The following LANCL3 variants were observed in gnomAD, a reference collection of about 807,000 sequenced individuals.
The protein encoded by LANCL3 is lanC-like protein 3.
A neutral mutation model predicts 26.5 loss-of-function variants in LANCL3; 19 were observed. That is an observed-to-expected ratio of 0.72 (90% confidence interval 0.50 to 1.05). The LOEUF (loss-of-function observed/expected upper bound fraction) is 1.05. LANCL3 is among the 50% of genes least tolerant of loss of function. LANCL3 has a pLI of 0.00. For synonymous variants in LANCL3, 160 were observed against 166.6 expected (o/e 0.96, Z 0.30); for missense variants, 318 against 362.7 (o/e 0.88, Z 1.00).
intron 1 of LANCL3, among the ~76,000 whole-genome samples, chrX:37,653,526 T>C (rs1213317257): frequency 8.9e-6 from 1 of 112,315 alleles, no homozygotes; most frequent in Non-Finnish European, 1.9e-5. Context: ...TCAATCAGGA[T>C]AGAGTCCAAT....
intron 1 of LANCL3, among the ~76,000 whole-genome samples, chrX:37,573,535 T>A (rs1458308062): frequency 8.1e-5 from 9 of 111,660 alleles, no homozygotes; most frequent in Admixed American, 5.7e-4. Flanking sequence ...TACTAAAGAA[T>A]GTGCACTGTG....
chrX:37,578,665 A>G (rs782325106), intron 1 of LANCL3, among the ~76,000 whole-genome samples: 28 of 112,399 alleles, frequency 2.5e-4, no homozygotes, highest in African/African-American at 7.8e-4. Context: ...ATATAAAACA[A>G]AATGAGTCTT....
At chrX:37,572,497 TCC>T (rs1368592517) in intron 1 of LANCL3, 54 bp downstream of exon 1, 44 of 1,032,234 alleles carry the variant, frequency 4.3e-5, no homozygotes, top group African/African-American at 7.5e-5. Flanking sequence ...CGGCCTCCTT[TCC>T]CCGGACTCCG....
rs782712408 is a variant in LANCL3 at position 37,679,030 on chromosome X, A to G, written c.*3217A>G. 8.9e-6 allele frequency: 1 copy of G among 111,822 alleles called. No homozygotes were observed. Among genetic ancestry groups the G allele is most frequent in the African/African-American group, 3.2e-5 (1 of 30,831 alleles). 9.2% of individuals were successfully genotyped at this position (111,822 alleles called of 1,213,427 possible). A position where few individuals can be genotyped will look rare whatever the true frequency, so the allele number is the denominator to read the frequency against. On this transcript the variant is annotated 3_prime_UTR_variant, in exon 5 of 5. Coordinates refer to ENST00000378619, the MANE Select transcript of LANCL3 (RefSeq NM_001170331.2). ...TTAAAAGGAAAACCATTAGTGGTGC[A>G]AAGAGCCCTGTGCTGGAAATCTCAA...
chrX:37,651,541 T>C (rs1254949774), intron 1 of LANCL3, among the ~76,000 whole-genome samples: 1 of 111,580 alleles, frequency 9.0e-6, no homozygotes, highest in African/African-American at 3.3e-5. Context: ...ATTCTTTTTA[T>C]TTGTGTCCTT....
In LANCL3 at chrX:37,683,737, A is replaced by G. The variant is rs1248488590; in HGVS notation, c.*7924A>G. On this transcript the variant is annotated 3_prime_UTR_variant, in exon 5 of 5. Transcript: ENST00000378619. ...ATATTTTACTATATCACAAAATGTC[A>G]TACTACTGTATTTTATAATAAAACC... 9 of 112,005 alleles carry G rather than the reference A, an allele frequency of 8.0e-5. No homozygotes were observed. Among genetic ancestry groups the G allele is most frequent in the African/African-American group, 2.9e-4 (9 of 30,925 alleles). 9.2% of individuals were successfully genotyped at this position (112,005 alleles called of 1,213,427 possible).
intron 1 of LANCL3, among the ~76,000 whole-genome samples, chrX:37,590,859 G>A (rs1202127308): frequency 9.0e-6 from 1 of 111,587 alleles, no homozygotes; most frequent in Non-Finnish European, 1.9e-5. Flanking sequence ...TAAATTTCTG[G>A]AGATGGGCCT....
At position 37,572,397 on chromosome X, in the gene LANCL3, G is replaced by C; in HGVS notation, c.527G>C (p.Gly176Ala). The C allele has an allele frequency of 8.5e-7, 1 of 1,177,045 alleles. No homozygotes were observed. The highest frequency in any genetic ancestry group is 1.1e-6 in the Non-Finnish European group (1 of 877,984). Residue 176 changes from glycine to alanine, a missense_variant, in exon 1 of 5, where the codon GGT becomes GCT. Coordinates refer to ENST00000378619, the MANE Select transcript of LANCL3 (RefSeq NM_001170331.2). Reference protein sequence around the residue: ...GSDELFVGRAGYLCAALVLKQ... With the variant: ...GSDELFVGRAAYLCAALVLKQ... ...GACGAGCTGTTCGTGGGCCGCGCGG[G>C]TTACCTGTGTGCCGCGCTGGTGCTC...
chrX:37,632,739 C>A (rs1925564692), intron 1 of LANCL3, among the ~76,000 whole-genome samples: 1 of 110,988 alleles, frequency 9.0e-6, no homozygotes, highest in African/African-American at 3.3e-5. Flanking sequence ...ATATGAAATT[C>A]TGGGTTGAAA....
intron 2 of LANCL3, 57 bp from the exon 3 acceptor site, chrX:37,659,405 A>T: frequency 5.5e-6 from 5 of 915,503 alleles, no homozygotes; most frequent in Non-Finnish European, 7.8e-6. Flanking sequence ...CTTTTCACTA[A>T]ATCAAACTAG....
intron 1 of LANCL3, among the ~76,000 whole-genome samples, chrX:37,600,231 T>C (rs1924543105): frequency 8.9e-6 from 1 of 111,947 alleles, no homozygotes; most frequent in Non-Finnish European, 1.9e-5. Context: ...TTTTAATTGT[T>C]CTATTTTATT....
chrX:37,651,678 C>T (rs926616066), intron 1 of LANCL3, among the ~76,000 whole-genome samples: 15 of 110,156 alleles, frequency 1.4e-4, no homozygotes, highest in African/African-American at 4.3e-4. Context: ...TGTATACATG[C>T]GCCATGCTGG....
intron 1 of LANCL3, among the ~76,000 whole-genome samples, chrX:37,587,450 T>C (rs1241976645): frequency 8.9e-6 from 1 of 112,665 alleles, no homozygotes; most frequent in Non-Finnish European, 1.9e-5. Context: ...CCACCCAGTT[T>C]GAGCTTCCTG....
chrX:37,668,015 A>G (rs868950414), intron 4 of LANCL3, among the ~76,000 whole-genome samples: 9 of 110,184 alleles, frequency 8.2e-5, no homozygotes, highest in Non-Finnish European at 1.3e-4. Context: ...TGATCCAACC[A>G]TCTCCCACTA....
At position 37,571,923 on chromosome X, in the gene LANCL3, T is replaced by A. The variant is rs1556415497; in HGVS notation, c.53T>A (p.Leu18Gln). Reference protein sequence around the residue: ...ANRFDDYQGSLLAGQCEEAVA... With the variant: ...ANRFDDYQGSQLAGQCEEAVA... ...CGCTTCGATGACTACCAGGGCAGCC[T>A]GCTGGCGGGCCAGTGTGAGGAGGCG... The change falls in exon 1 of 5, where the codon CTG (leucine) becomes CAG (glutamine). Residue 18 changes from leucine (L) to glutamine (Q), a missense_variant. Coordinates refer to ENST00000378619, the MANE Select transcript of LANCL3 (RefSeq NM_001170331.2). 8.3e-7 allele frequency: 1 copy of A among 1,206,091 alleles called. No homozygotes were observed. The highest frequency in any genetic ancestry group is 2.2e-5 in the Admixed American group (1 of 45,824).
In LANCL3 at chrX:37,615,609, C is replaced by T. The variant is rs996668208; in HGVS notation, c.574-40079C>T. On this transcript the variant is annotated intron_variant, in intron 1 of 4. Coordinates refer to ENST00000378619, the MANE Select transcript of LANCL3 (RefSeq NM_001170331.2). ...AAAGGTTGGAATGTATTGAATAGAA[C>T]TCAAATAATTATATGCCTTCCGTCT... 1.1e-4 allele frequency among the ~76,000 whole-genome samples: 12 copies of T among 111,734 alleles called. No individual in the cohort carries two copies. In the Admixed American group the frequency reaches 1.1e-3, roughly 11 times the overall value.
At chrX:37,607,714 T>C (rs1051975517) in intron 1 of LANCL3, among the ~76,000 whole-genome samples, 6 of 112,453 alleles carry the variant, frequency 5.3e-5, no homozygotes, top group Admixed American at 9.4e-5. Context: ...ACTCTAATGC[T>C]GAGTCATTTT....
At chrX:37,597,367 T>C (rs1924459581) in intron 1 of LANCL3, among the ~76,000 whole-genome samples, 1 of 112,081 alleles carries the variant, frequency 8.9e-6, no homozygotes, top group Non-Finnish European at 1.9e-5. Flanking sequence ...GTTGGGTATA[T>C]AACTAGGAAT....
At chrX:37,653,064 A>G (rs979054523) in intron 1 of LANCL3, among the ~76,000 whole-genome samples, 1 of 111,588 alleles carries the variant, frequency 9.0e-6, no homozygotes, top group African/African-American at 3.3e-5. Context: ...ATCCAGCCGA[A>G]CAAGCGCCGG....
Sources: gnomAD v4.1 joint callset for allele counts (sites outside exome capture counted in the v4.1 genomes callset) on GRCh38, gnomAD v4.1.1 for gene constraint, MANE v1.5 for transcripts, NCBI Gene and HGNC (gene_info 2026-07-23, HGNC 2026-07-21) for gene names.